The following LCORL variants were observed in gnomAD, a reference collection of about 807,000 sequenced individuals.
LCORL encodes the protein ligand-dependent nuclear receptor corepressor-like protein.
LCORL carries 41 observed loss-of-function variants against 141.8 expected under a neutral mutation model. The observed-to-expected ratio is 0.29, with a 90% CI of 0.23 to 0.38. LCORL has a LOEUF of 0.38. Ranked by LOEUF, LCORL falls within the 10% of genes least tolerant of loss-of-function variation. The probability of loss-of-function intolerance (pLI) is 1.00; values close to 1 mark genes in which losing one functional copy is unlikely to be tolerated. For synonymous variants in LCORL, 618 were observed against 694.1 expected (o/e 0.89, Z 1.72); for missense variants, 1,759 against 2,035.0 (o/e 0.86, Z 2.61).
chr4:17,998,159 AG>A (rs1721208683), intron 1 of LCORL, among the ~76,000 whole-genome samples: 1 of 152,184 alleles, frequency 6.6e-6, no homozygotes, highest in Non-Finnish European at 1.5e-5. Flanking sequence ...GATACAAAAT[AG>A]TATACCTGTA....
chr4:17,999,059 A>T (rs1721477755), intron 1 of LCORL, among the ~76,000 whole-genome samples: 1 of 147,724 alleles, frequency 6.8e-6, no homozygotes, highest in Non-Finnish European at 1.5e-5. Flanking sequence ...CTAGTAACAC[A>T]TTCACTTATC....
intron 4 of LCORL, chr4:17,960,348 T>C (rs766118691): frequency 1.3e-5 from 2 of 154,284 alleles, no homozygotes; most frequent in Non-Finnish European, 2.9e-5. Context: ...TTACTCTTAA[T>C]AGGGCAATGG....
exon 8 of LCORL, chr4:17,843,341 G>C: frequency 6.2e-7 from 1 of 1,611,962 alleles, no homozygotes; most frequent in South Asian, 1.1e-5. Flanking sequence ...AAATGAAGAT[G>C]AGACTACCAA....
intron 7 of LCORL, among the ~76,000 whole-genome samples, chr4:17,862,855 A>C (rs1260467327): frequency 6.6e-6 from 1 of 152,240 alleles, no homozygotes; most frequent in Admixed American, 6.5e-5. Flanking sequence ...AATTGCAACA[A>C]AACCAAAAAT....
chr4:18,003,436 AT>A (rs10709546), intron 1 of LCORL, among the ~76,000 whole-genome samples: 36,086 of 152,082 alleles, frequency 0.24, 5,457 homozygotes, highest in African/African-American at 0.43. Context: ...GACTTGTGAA[AT>A]TTAAGGTACG....
intron 1 of LCORL, among the ~76,000 whole-genome samples, chr4:18,012,449 A>G (rs1310489103): frequency 6.6e-6 from 1 of 152,216 alleles, no homozygotes. Context: ...ACCATTTTAA[A>G]AAGCTAATAT....
exon 7 of LCORL, chr4:17,874,410 C>T (rs1577301144): frequency 6.5e-6 from 8 of 1,233,768 alleles, no homozygotes; most frequent in African/African-American, 1.5e-5. Flanking sequence ...CAAAGGGTTT[C>T]GGGCATTTGC....
intron 1 of LCORL, among the ~76,000 whole-genome samples, chr4:17,989,372 T>C (rs1295458189): frequency 6.6e-6 from 1 of 152,224 alleles, no homozygotes; most frequent in Non-Finnish European, 1.5e-5. Context: ...TCTTTTTATT[T>C]TGATCCAGAG....
chr4:17,878,743 C>G (rs990265820), intron 6 of LCORL, among the ~76,000 whole-genome samples: 1 of 151,060 alleles, frequency 6.6e-6, no homozygotes, highest in African/African-American at 2.4e-5. Flanking sequence ...AATGTCTTTC[C>G]TAAGATTAAG....
At chr4:17,950,629 G>C (rs1739567912) in intron 4 of LCORL, among the ~76,000 whole-genome samples, 1 of 152,114 alleles carries the variant, frequency 6.6e-6, no homozygotes, top group African/African-American at 2.4e-5. Flanking sequence ...GGAGTTAATG[G>C]AAATGTTGAC....
chr4:17,927,163 T>C (rs983310552), intron 4 of LCORL, among the ~76,000 whole-genome samples: 7 of 152,254 alleles, frequency 4.6e-5, no homozygotes, highest in Non-Finnish European at 8.8e-5. Context: ...TTTCATGTAA[T>C]GGAGACAGCT....
intron 4 of LCORL, among the ~76,000 whole-genome samples, chr4:17,935,030 T>C (rs1252083071): frequency 6.6e-6 from 1 of 152,064 alleles, no homozygotes; most frequent in Non-Finnish European, 1.5e-5. Context: ...AGAGAACAAA[T>C]GAAACAGTTC....
intron 4 of LCORL, among the ~76,000 whole-genome samples, chr4:17,924,507 T>C (rs1219585718): frequency 6.6e-6 from 1 of 152,032 alleles, no homozygotes; most frequent in East Asian, 1.9e-4. Context: ...AGCTACTTGG[T>C]GGAAGGTTGA....
intron 7 of LCORL, among the ~76,000 whole-genome samples, chr4:17,865,918 C>T (rs902258975): frequency 6.6e-6 from 1 of 152,160 alleles, no homozygotes; most frequent in Non-Finnish European, 1.5e-5. Flanking sequence ...CCAGGGAGAT[C>T]TTCTAGAAAG....
intron 5 of LCORL, among the ~76,000 whole-genome samples, chr4:17,887,811 C>A (rs1433837182): frequency 6.6e-6 from 1 of 152,080 alleles, no homozygotes; most frequent in Non-Finnish European, 1.5e-5. Flanking sequence ...AGCAGGGAAA[C>A]CTGCTGGGAA....
intron 5 of LCORL, among the ~76,000 whole-genome samples, chr4:17,894,450 A>G (rs1348387088): frequency 6.6e-6 from 1 of 152,256 alleles, no homozygotes; most frequent in Non-Finnish European, 1.5e-5. Flanking sequence ...TTACCATAAC[A>G]GAAATTAAAT....
intron 1 of LCORL, among the ~76,000 whole-genome samples, chr4:17,983,355 G>T (rs1718355678): frequency 2.0e-5 from 3 of 152,124 alleles, no homozygotes; most frequent in Admixed American, 1.3e-4. Flanking sequence ...TTGCTTGGGG[G>T]AAAATGGTCA....
chr4:17,957,018 A>G (rs182534778), intron 4 of LCORL, among the ~76,000 whole-genome samples: 69 of 152,102 alleles, frequency 4.5e-4, no homozygotes, highest in Middle Eastern at 3.4e-3. Context: ...GGGAGGTGAT[A>G]AAGGTATAGG....
intron 1 of LCORL, among the ~76,000 whole-genome samples, chr4:17,976,897 C>A: frequency 1.3e-5 from 2 of 152,166 alleles, no homozygotes; most frequent in Admixed American, 1.3e-4. Flanking sequence ...TTTCTTTTTA[C>A]CATTGATTTT....
Sources: allele counts gnomAD v4.1 joint callset (sites outside exome capture counted in the v4.1 genomes callset), GRCh38; gene constraint gnomAD v4.1.1; transcripts MANE v1.5; gene names NCBI Gene and HGNC (gene_info 2026-07-23, HGNC 2026-07-21).